The following TENM3 variants were observed in gnomAD, a reference collection of about 807,000 sequenced individuals.
TENM3 encodes teneurin-3.
Under a neutral mutation model 255.1 loss-of-function variants are expected in TENM3, and 63 were observed. The ratio of observed to expected loss-of-function variants is 0.25; its 90% CI spans 0.20 to 0.30. The LOEUF (loss-of-function observed/expected upper bound fraction) is 0.30, where lower values mean the gene tolerates loss of function less well. TENM3 is among the 10% of genes least tolerant of loss of function. The probability of loss-of-function intolerance (pLI) is 1.00; values close to 1 mark genes in which losing one functional copy is unlikely to be tolerated. For missense variants in TENM3, 2,929 were observed against 3,461.1 expected (o/e 0.85, Z 3.86); for synonymous variants, 1,306 against 1,322.3 (o/e 0.99, Z 0.27).
intron 6 of TENM3, among the ~76,000 whole-genome samples, chr4:182,669,572 C>A (rs1344358225): frequency 1.3e-5 from 2 of 152,010 alleles, no homozygotes; most frequent in Non-Finnish European, 2.9e-5. Context: ...ACCCGGCCTT[C>A]CATGTCAGTT....
intron 2 of TENM3, among the ~76,000 whole-genome samples, chr4:182,327,433 G>A (rs573803494): frequency 2.6e-5 from 4 of 152,170 alleles, no homozygotes; most frequent in African/African-American, 2.4e-5. Context: ...CCGTTGGTGC[G>A]ATTATATGGA....
the TENM3 span, among the ~76,000 whole-genome samples, chr4:181,613,430 G>A: frequency 6.6e-6 from 1 of 152,306 alleles, no homozygotes; most frequent in African/African-American, 2.4e-5. Flanking sequence ...AGGCCCATCA[G>A]TCTCCCCAGA....
At chr4:182,048,814 T>G in the TENM3 span, among the ~76,000 whole-genome samples, 1 of 152,176 alleles carries the variant, frequency 6.6e-6, no homozygotes, top group Non-Finnish European at 1.5e-5. Context: ...GCCTGCCTGT[T>G]GCAACACACT....
At chr4:181,804,646 G>A in the TENM3 span, among the ~76,000 whole-genome samples, 6 of 152,186 alleles carry the variant, frequency 3.9e-5, no homozygotes, top group African/African-American at 1.4e-4. Flanking sequence ...GGATAGAGAT[G>A]TGGAGAGTGT....
rs1263366146 is a variant in TENM3 at position 182,324,172 on chromosome 4, A to T, written c.152A>T (p.Asp51Val). 6.2e-7 allele frequency: 1 copy of T among 1,614,018 alleles called. No homozygotes were observed. The highest frequency in any genetic ancestry group is 1.7e-5 in the Admixed American group (1 of 60,022). The change falls in exon 2 of 28, where the codon GAT (aspartate) becomes GTT (valine). Residue 51 changes from aspartate to valine, a missense_variant. By Grantham distance (152) the Asp-to-Val change is radical. Transcript: ENST00000511685. ...TCCAGCGAGACATTGAAAGCTTTTGATCATGATTCCTCGCGGCTGCTTTAC... is the reference window on the plus strand; with the variant it reads ...TCCAGCGAGACATTGAAAGCTTTTGTTCATGATTCCTCGCGGCTGCTTTAC... Reference protein sequence around the residue: ...YSSSETLKAFDHDSSRLLYGN... With the variant: ...YSSSETLKAFVHDSSRLLYGN...
intron 3 of TENM3, among the ~76,000 whole-genome samples, chr4:182,441,230 A>G (rs1422885123): frequency 1.3e-5 from 2 of 152,220 alleles, no homozygotes; most frequent in African/African-American, 4.8e-5. Context: ...TTTCTAAAAT[A>G]ATGACCTTGA....
intron 6 of TENM3, among the ~76,000 whole-genome samples, chr4:182,655,242 C>T (rs1753656224): frequency 1.3e-5 from 2 of 151,986 alleles, no homozygotes; most frequent in Admixed American, 1.3e-4. Context: ...TGCATGGTTC[C>T]TGTGAAGATG....
At chr4:181,954,219 G>C in the TENM3 span, among the ~76,000 whole-genome samples, 1 of 152,110 alleles carries the variant, frequency 6.6e-6, no homozygotes, top group Non-Finnish European at 1.5e-5. Context: ...ACTGTGCATA[G>C]AGTTGCTATG....
chr4:182,163,849 TG>T (rs1172873724), intron 1 of TENM3, among the ~76,000 whole-genome samples: 1 of 152,170 alleles, frequency 6.6e-6, no homozygotes, highest in African/African-American at 2.4e-5. Flanking sequence ...CTCTTCTAGT[TG>T]GTCTGCAAAT....
In TENM3 at chr4:182,786,588, C is replaced by T. The variant is rs975812109; in HGVS notation, c.5305-2505C>T. On this transcript the variant is annotated intron_variant, in intron 24 of 27. Transcript: ENST00000511685. ...AAAAAAAAAAAAGAAATCAGATGCC[C>T]GAGCAGCATGGGGTTCCATGCCTGT... Among the ~76,000 whole-genome samples the T allele has an allele frequency of 4.6e-5, 7 of 151,690 alleles. No homozygotes were observed. In the East Asian group the frequency reaches 7.8e-4, roughly 17 times the overall value.
At chr4:181,968,988 C>G in the TENM3 span, among the ~76,000 whole-genome samples, 2 of 107,616 alleles carry the variant, frequency 1.9e-5, no homozygotes, top group Non-Finnish European at 4.1e-5. Flanking sequence ...CTCTCTCTCT[C>G]TCTCTATATA....
At chr4:182,699,726 T>A (rs1335594048) in intron 12 of TENM3, among the ~76,000 whole-genome samples, 1 of 152,224 alleles carries the variant, frequency 6.6e-6, no homozygotes, top group Non-Finnish European at 1.5e-5. Flanking sequence ...GTAAGTGATA[T>A]GTCAAATTCA....
At chr4:181,719,418 A>T in the TENM3 span, among the ~76,000 whole-genome samples, 2 of 152,208 alleles carry the variant, frequency 1.3e-5, no homozygotes, top group South Asian at 2.1e-4. Flanking sequence ...AACAACGGAC[A>T]TTTATTTCTC....
At chr4:182,502,634 A>G (rs1012166723) in intron 3 of TENM3, among the ~76,000 whole-genome samples, 8 of 152,162 alleles carry the variant, frequency 5.3e-5, no homozygotes, top group Admixed American at 5.2e-4. Context: ...TATTTGTCAT[A>G]ACATGCTGGT....
At chr4:182,001,944 A>C in the TENM3 span, among the ~76,000 whole-genome samples, 1 of 152,170 alleles carries the variant, frequency 6.6e-6, no homozygotes, top group Non-Finnish European at 1.5e-5. Context: ...TCAGCATAGG[A>C]ACTTGTATGA....
chr4:181,564,607 G>GA, the TENM3 span, among the ~76,000 whole-genome samples: 2 of 152,170 alleles, frequency 1.3e-5, no homozygotes, highest in Admixed American at 1.3e-4. Context: ...TGTCTTACAT[G>GA]AAAAGGGGTC....
the TENM3 span, among the ~76,000 whole-genome samples, chr4:181,830,629 G>A: frequency 6.6e-6 from 1 of 151,662 alleles, no homozygotes; most frequent in African/African-American, 2.4e-5. Flanking sequence ...CTGTAAACTA[G>A]GGGAAATAAC....
chr4:182,119,327 T>C, the TENM3 span, among the ~76,000 whole-genome samples: 1 of 152,200 alleles, frequency 6.6e-6, no homozygotes, highest in African/African-American at 2.4e-5. Flanking sequence ...CAGGAAGAAC[T>C]GGTAGAGCTC....
chr4:181,746,688 A>G, the TENM3 span, among the ~76,000 whole-genome samples: 3 of 151,760 alleles, frequency 2.0e-5, no homozygotes, highest in Admixed American at 2.0e-4. Context: ...CTATGCAGAA[A>G]TCTATTTGCC....
Sources: allele counts gnomAD v4.1 joint callset (sites outside exome capture counted in the v4.1 genomes callset), GRCh38; gene constraint gnomAD v4.1.1; transcripts MANE v1.5; gene names NCBI Gene and HGNC (gene_info 2026-07-23, HGNC 2026-07-21).